The following OVCH2 variants were observed in gnomAD, a reference collection of about 807,000 sequenced individuals.
The protein encoded by OVCH2 is ovochymase 2, also known as ovochymase-2.
In OVCH2, 88 loss-of-function variants were observed where a neutral mutation model predicts 73.7. The ratio of observed to expected loss-of-function variants is 1.19; its 90% confidence interval spans 1.01 to 1.43. OVCH2 has a LOEUF of 1.43. Ranked by LOEUF, OVCH2 falls within the 40% of genes most tolerant of loss-of-function variation. The pLI is 0.00. For missense variants in OVCH2, 706 were observed against 674.5 expected, an observed-to-expected ratio of 1.05 and a Z score of -0.52; for synonymous variants, 265 against 234.5, an observed-to-expected ratio of 1.13 and a Z score of -1.19.
rs202082440 is a variant in OVCH2 at position 7,702,223 on chromosome 11, A to G, written c.397T>C (p.Phe133Leu). 3 of 1,613,082 alleles carry G rather than the reference A, an allele frequency of 1.9e-6. No homozygotes were observed. Among genetic ancestry groups the G allele is most frequent in the Non-Finnish European group, 2.5e-6 (3 of 1,179,470 alleles). Reference protein sequence around the residue: ...TIETVIIHPHFSTKKPMDYDI... With the variant: ...TIETVIIHPHLSTKKPMDYDI... ...TAGTCCATTGGTTTCTTGGTGGAGAAATGTGGATGTATGATGACAGTTTCA... is the reference window on the plus strand; with the variant it reads ...TAGTCCATTGGTTTCTTGGTGGAGAGATGTGGATGTATGATGACAGTTTCA... The change falls in exon 4 of 16, where the codon TTC (phenylalanine) becomes CTC (leucine). Residue 133 changes from phenylalanine to leucine, a missense_variant. Transcript: ENST00000533663.
At chr11:7,702,512 A>G (rs566939670) in intron 3 of OVCH2, among the ~76,000 whole-genome samples, 183 bp from the exon 4 acceptor site, 63 of 152,370 alleles carry the variant, frequency 4.1e-4, no homozygotes, top group East Asian at 2.9e-3. Context: ...TCCAACTTCC[A>G]GTAGAGGACT....
chr11:7,696,457 C>A lies in OVCH2; in HGVS notation c.1141+8G>T. ...GGTTTCCATTTGACACTGTGAAAAT[C>A]CACTCACCAATGGGTCTGTCTTCTA... On this transcript the variant is annotated splice_region_variant and intron_variant, in intron 10 of 15. Coordinates refer to ENST00000533663, the MANE Select transcript of OVCH2 (RefSeq NM_198185.7). 6.2e-7 allele frequency: 1 copy of A among 1,613,904 alleles called. No homozygotes were observed. The highest frequency in any genetic ancestry group is 8.5e-7 in the Non-Finnish European group (1 of 1,179,840).
chr11:7,694,987 G>C, intron 12 of OVCH2, 71 bp downstream of exon 12: 1 of 1,486,216 alleles, frequency 6.7e-7, no homozygotes, highest in Non-Finnish European at 9.1e-7. Context: ...TAAAACCTCT[G>C]ACCTCATGGT....
In OVCH2 at chr11:7,702,252, G is replaced by C. The variant is rs754959671; in HGVS notation, c.368C>G (p.Thr123Ser). ...SQTDPGEQTL[T>S]IETVIIHPHF... ...TGGATGTATGATGACAGTTTCAATA[G>C]TGAGAGTTTGCTCTCCTGGGTCTGT... Residue 123 changes from threonine to serine, a missense_variant, in exon 4 of 16, where the codon ACT becomes AGT. Coordinates refer to ENST00000533663, the MANE Select transcript of OVCH2 (RefSeq NM_198185.7). 6.2e-7 allele frequency: 1 copy of C among 1,612,684 alleles called. No individual in the cohort carries two copies.
chr11:7,698,186 A>G (rs1856371271), intron 8 of OVCH2, among the ~76,000 whole-genome samples: 1 of 152,172 alleles, frequency 6.6e-6, no homozygotes, highest in Non-Finnish European at 1.5e-5. Context: ...ATTTGTTTTC[A>G]GCTAGAAGCA....
At chr11:7,690,452 G>A (rs539302004) in intron 14 of OVCH2, among the ~76,000 whole-genome samples, 1 of 151,874 alleles carries the variant, frequency 6.6e-6, no homozygotes. Context: ...TTTTCCCTTA[G>A]TAGGGTTGAA....
At chr11:7,696,938 T>C in intron 8 of OVCH2, 139 bp from the exon 9 acceptor site, 2 of 759,814 alleles carry the variant, frequency 2.6e-6, no homozygotes, top group Non-Finnish European at 4.2e-6. Flanking sequence ...TTCTCCTGTC[T>C]TTGCTTCTAT....
Position 7,695,098 on chromosome 11 carries a change from C to CAGTT in OVCH2, c.1369_1372dup (p.Cys458Ter), listed in dbSNP as rs770433248. 3 of 1,551,854 alleles carry CAGTT rather than the reference C, an allele frequency of 1.9e-6. No individual in the cohort carries two copies. Among genetic ancestry groups the CAGTT allele is most frequent in the Admixed American group, 2.0e-5 (1 of 50,872 alleles). On this transcript the variant is annotated stop_gained and frameshift_variant, in exon 12 of 16. Transcript: ENST00000533663. LOFTEE classifies it high-confidence loss of function. ...TTTGGAGGCTTGAAAAATCCAGTCA[C>CAGTT]AGTTAGCCTTGTCACTGTAGTTTTC...
chr11:7,700,398 G>A lies in OVCH2; in HGVS notation c.799C>T (p.Arg267Ter), dbSNP rs775193800. The change falls in exon 7 of 16, where the codon CGA becomes TGA. Residue 267 changes from arginine to a stop codon, truncating the protein, a stop_gained. Transcript: ENST00000533663. LOFTEE classifies it high-confidence loss of function. ...TTCCTCACATTGTTTCTCCAGCCTC[G>A]ACCACAGCCCAAACCCCAGGAAGTC... ...GVTSWGLGCG[R>*]GWRNNVRKSD... is the part of the protein sequence containing the mutation. The A allele has an allele frequency of 9.3e-6, 15 of 1,612,984 alleles. No homozygotes were observed. The highest frequency in any genetic ancestry group is 1.6e-4 in the Middle Eastern group (1 of 6,082).
chr11:7,694,803 CTTTTTTTT>C (rs34314441), intron 12 of OVCH2, among the ~76,000 whole-genome samples: 27 of 108,390 alleles, frequency 2.5e-4, no homozygotes, highest in South Asian at 1.1e-3. Flanking sequence ...TAAAGCGGCA[CTTTTTTTT>C]TTTTTTTTTT....
At position 7,702,272 on chromosome 11, in the gene OVCH2, G is replaced by A; in HGVS notation, c.348C>T (p.Asp116=). ...TAGEYDLSQT[D]PGEQTLTIET... Reference sequence around the variant, plus strand: ...CAATAGTGAGAGTTTGCTCTCCTGGGTCTGTCTGGCTTAAGTCATACTCTC... The same window carrying A: ...CAATAGTGAGAGTTTGCTCTCCTGGATCTGTCTGGCTTAAGTCATACTCTC... The change falls in exon 4 of 16, where the codon GAC becomes GAT. Residue 116 remains aspartate (D), a synonymous_variant. Coordinates refer to ENST00000533663, the MANE Select transcript of OVCH2 (RefSeq NM_198185.7). 1 of 1,612,316 alleles carries A rather than the reference G, an allele frequency of 6.2e-7. No individual in the cohort carries two copies. Among genetic ancestry groups the A allele is most frequent in the Non-Finnish European group, 8.5e-7 (1 of 1,179,218 alleles).
rs1856308517 is a variant in OVCH2, at chr11:7,695,320, T to TAGTG, written c.1283-136_1283-133dup. ...CAGACACTGCGAACAAGAAAAGACGTAGTGCATGATTCTCCAGAACTCATC... is the reference window on the plus strand; with the variant it reads ...CAGACACTGCGAACAAGAAAAGACGTAGTGAGTGCATGATTCTCCAGAACTCATC... On this transcript the variant is annotated intron_variant, in intron 11 of 15. Coordinates refer to ENST00000533663, the MANE Select transcript of OVCH2 (RefSeq NM_198185.7). 1.8e-6 allele frequency: 2 copies of TAGTG among 1,120,386 alleles called. 1 individual carries two copies. Among genetic ancestry groups the TAGTG allele is most frequent in the Middle Eastern group, 4.1e-4 (2 of 4,930 alleles). 69.4% of individuals were successfully genotyped at this position (1,120,386 alleles called of 1,614,324 possible).
At chr11:7,684,504 A>ATG (rs1491247653), downstream of OVCH2, among the ~76,000 whole-genome samples, 1 of 91,474 alleles carries the variant, frequency 1.1e-5, no homozygotes, top group African/African-American at 5.2e-5. Context: ...ACATACATAC[A>ATG]TATGTGTGTG....
At chr11:7,704,846 G>T (rs1169790037) in intron 1 of OVCH2, among the ~76,000 whole-genome samples, 172 bp from the exon 2 acceptor site, 1 of 152,294 alleles carries the variant, frequency 6.6e-6, no homozygotes, top group East Asian at 1.9e-4. Flanking sequence ...GATGAAAAGT[G>T]ACAGGTCATT....
chr11:7,692,911 AT>A (rs902947052), intron 12 of OVCH2, among the ~76,000 whole-genome samples: 3 of 152,106 alleles, frequency 2.0e-5, no homozygotes, highest in African/African-American at 7.2e-5. Flanking sequence ...TGAGACCTGT[AT>A]TTTTTGCTAT....
At position 7,689,571 on chromosome 11, in the gene OVCH2, T is replaced by C; in HGVS notation, c.*63A>G. ...CCCAAGCCTCTCCTCTAGCTTCTGG[T>C]GGTTTACTGACAGTCACTGGTGCCC... On this transcript the variant is annotated 3_prime_UTR_variant, in exon 16 of 16. Coordinates refer to ENST00000533663, the MANE Select transcript of OVCH2 (RefSeq NM_198185.7). 2.2e-6 allele frequency: 1 copy of C among 461,786 alleles called. No individual in the cohort carries two copies. The highest frequency in any genetic ancestry group is 6.8e-5 in the East Asian group (1 of 14,772). 28.6% of individuals were successfully genotyped at this position (461,786 alleles called of 1,614,324 possible).
intron 1 of OVCH2, chr11:7,705,799 A>T: frequency 6.6e-6 from 1 of 152,332 alleles, no homozygotes; most frequent in East Asian, 1.9e-4. Context: ...GTCAGAAAAC[A>T]TGTTGATTCT....
chr11:7,681,368 A>G, the OVCH2 span, among the ~76,000 whole-genome samples: 1 of 152,190 alleles, frequency 6.6e-6, no homozygotes. Flanking sequence ...TTCAACCATT[A>G]CTTATGCAAC....
At chr11:7,691,036 A>T (rs565891097) in intron 14 of OVCH2, among the ~76,000 whole-genome samples, 75 of 152,320 alleles carry the variant, frequency 4.9e-4, no homozygotes, top group Non-Finnish European at 9.6e-4. Context: ...ACATAAAACA[A>T]GTTTATGTAC....
Sources: allele counts gnomAD v4.1 joint callset (sites outside exome capture counted in the v4.1 genomes callset), GRCh38; gene constraint gnomAD v4.1.1; transcripts MANE v1.5; gene names NCBI Gene and HGNC (gene_info 2026-07-23, HGNC 2026-07-21).